The following IFRD1 variants were observed in gnomAD, a reference collection of about 807,000 sequenced individuals.
The protein encoded by IFRD1 is interferon-related developmental regulator 1.
In IFRD1, 35 loss-of-function variants were observed where a neutral mutation model predicts 52.9. That is an observed-to-expected ratio of 0.66 (90% CI 0.51 to 0.88). The LOEUF is 0.88. Ranked by LOEUF, IFRD1 falls within the 40% of genes least tolerant of loss-of-function variation. The pLI is 0.00. For synonymous variants in IFRD1, 184 were observed against 188.4 expected, an observed-to-expected ratio of 0.98 and a Z score of 0.19; for missense variants, 517 against 550.8, an observed-to-expected ratio of 0.94 and a Z score of 0.61.
chr7:112,475,244 C>T (rs1372379019), intron 11 of IFRD1, among the ~76,000 whole-genome samples, 186 bp from the exon 12 acceptor site: 1 of 152,186 alleles, frequency 6.6e-6, no homozygotes, highest in Non-Finnish European at 1.5e-5. Flanking sequence ...AGGTGTGAGC[C>T]ACCTTGCATG....
intron 11 of IFRD1, among the ~76,000 whole-genome samples, chr7:112,474,517 C>T (rs938526596): frequency 7.2e-5 from 11 of 152,036 alleles, no homozygotes; most frequent in Non-Finnish European, 1.0e-4. Context: ...GTTTCTTGTA[C>T]GGCATTTTAA....
At chr7:112,430,254 T>C (rs1022812314) in intron 1 of IFRD1, among the ~76,000 whole-genome samples, 3 of 152,250 alleles carry the variant, frequency 2.0e-5, no homozygotes, top group Admixed American at 6.5e-5. Context: ...TGCTGTTTTC[T>C]ATATCATAAT....
At chr7:112,447,908 T>C (rs537100848), upstream of IFRD1, among the ~76,000 whole-genome samples, 34 of 135,474 alleles carry the variant, frequency 2.5e-4, no homozygotes, top group African/African-American at 8.6e-4. Context: ...TTTGTAGTGA[T>C]AAGTAGTTTC....
At chr7:112,473,056 GTGTGTGTGTGTA>G (rs372362118) in intron 11 of IFRD1, among the ~76,000 whole-genome samples, 195 bp downstream of exon 11, 36,895 of 96,524 alleles carry the variant, frequency 0.38, 5,650 homozygotes, top group Non-Finnish European at 0.48. Flanking sequence ...GTGTGTGTGT[GTGTGTGTGTGTA>G]TATATGTGTC....
chr7:112,434,475 A>C (rs1794623342), intron 1 of IFRD1, among the ~76,000 whole-genome samples: 1 of 152,214 alleles, frequency 6.6e-6, no homozygotes, highest in African/African-American at 2.4e-5. Flanking sequence ...GTGCCACAAC[A>C]GCCAGGGTTA....
chr7:112,457,936 C>T (rs1366035805), intron 4 of IFRD1: 1 of 151,910 alleles, frequency 6.6e-6, no homozygotes, highest in Admixed American at 6.6e-5. Flanking sequence ...GTAAGTGAAA[C>T]CTTTGATCAA....
At chr7:112,444,826 T>A (rs1042180134) in intron 1 of IFRD1, among the ~76,000 whole-genome samples, 2 of 151,906 alleles carry the variant, frequency 1.3e-5, no homozygotes, top group Admixed American at 6.6e-5. Context: ...GGGAAAGAGT[T>A]GAAAAACTAC....
At position 112,438,145 on chromosome 7, in the gene IFRD1, T is replaced by C. The variant is rs181554455; in HGVS notation, c.-181-12363T>C. On this transcript the variant is annotated intron_variant, in intron 1 of 12. Coordinates refer to the IFRD1 transcript ENST00000005558. ...TAAATATCAAAGCTAGGGATTTTATTGAATGTCATCTTTGAAGAGCTTCAA... is the reference window on the plus strand; with the variant it reads ...TAAATATCAAAGCTAGGGATTTTATCGAATGTCATCTTTGAAGAGCTTCAA... Among the ~76,000 whole-genome samples, 3 of 152,342 alleles carry C rather than the reference T, an allele frequency of 2.0e-5. No individual in the cohort carries two copies. The East Asian group carries it at 5.8e-4, about 29-fold the overall frequency.
At position 112,476,661 on chromosome 7, in the gene IFRD1, A is replaced by G. The variant is rs920713672; in HGVS notation, c.*1142A>G. 1.3e-5 allele frequency: 2 copies of G among 152,212 alleles called. No homozygotes were observed. The allele number at this position is 152,212 out of a possible 1,614,324, so 9.4% of individuals were successfully genotyped here. A position where few individuals can be genotyped will look rare whatever the true frequency, so the allele number is the denominator to read the frequency against. ...AGACCTTGTCTCAAAAGCAAAACAA[A>G]AAAGAATATTGCTGCTTGTTTGCCC... is the stretch of plus-strand genomic sequence containing the variant. On this transcript the variant is annotated 3_prime_UTR_variant, in exon 12 of 12. Transcript: ENST00000403825.
At chr7:112,461,682 A>G (rs1795437380) in intron 5 of IFRD1, 184 bp from the exon 6 acceptor site, 1 of 378,694 alleles carries the variant, frequency 2.6e-6, no homozygotes, top group African/African-American at 2.1e-5. Context: ...CTTGAGCTGA[A>G]ACGCACTTCC....
rs770091139 is a variant in IFRD1 at position 112,458,999 on chromosome 7, G to A, written c.548G>A (p.Ser183Asn). The A allele has an allele frequency of 5.6e-6, 9 of 1,613,794 alleles. No individual in the cohort carries two copies. Among genetic ancestry groups the A allele is most frequent in the Non-Finnish European group, 6.8e-6 (8 of 1,179,756 alleles). Reference protein sequence around the residue: ...LKKIICDGSASMQARQTCATC... With the variant: ...LKKIICDGSANMQARQTCATC... ...AAAATCATTTGTGATGGGTCAGCTA[G>A]TATGCAGGCTAGGCAAACTGTAAGT... is the stretch of plus-strand genomic sequence containing the variant. The change falls in exon 5 of 12, where the codon AGT becomes AAT. Residue 183 changes from serine (S) to asparagine (N), a missense_variant. By Grantham distance (46) the Ser-to-Asn change is conservative. Transcript: ENST00000403825.
At chr7:112,440,055 G>A (rs1183888228) in intron 1 of IFRD1, among the ~76,000 whole-genome samples, 4 of 151,630 alleles carry the variant, frequency 2.6e-5, no homozygotes, top group African/African-American at 7.3e-5. Context: ...GTGCAATCTC[G>A]GCTCACTGCA....
chr7:112,445,382 A>C (rs1433316413), intron 1 of IFRD1, among the ~76,000 whole-genome samples: 1 of 152,100 alleles, frequency 6.6e-6, no homozygotes, highest in East Asian at 1.9e-4. Context: ...GGCTTTCATC[A>C]CAACAGACGC....
intron 1 of IFRD1, among the ~76,000 whole-genome samples, chr7:112,440,782 T>C (rs1794863696): frequency 2.0e-5 from 3 of 152,174 alleles, no homozygotes; most frequent in Admixed American, 1.3e-4. Flanking sequence ...CTGTAAACTA[T>C]CCTAGTTTGC....
intron 9 of IFRD1, among the ~76,000 whole-genome samples, chr7:112,470,151 G>C (rs1795710730): frequency 6.6e-6 from 1 of 152,078 alleles, no homozygotes. Flanking sequence ...TGTTTTAGGT[G>C]TTTTGCCATA....
At chr7:112,435,653 T>TGTGTGTGTGTGTGTGTGTGTGTGTGC (rs1358291906) in intron 1 of IFRD1, 4 of 149,294 alleles carry the variant, frequency 2.7e-5, no homozygotes, top group African/African-American at 2.5e-5. Flanking sequence ...TGTGTGTGTG[T>TGTGTGTGTGTGTGTGTGTGTGTGTGC]GTGCGTGCTT....
At position 112,468,006 on chromosome 7, in the gene IFRD1, C is replaced by A. The variant is rs761967828; in HGVS notation, c.932C>A (p.Ser311Tyr). ...GACTTTTTTTATGAAGACATGGAGT[C>A]CTTGACGCAGATGCTTAGGGCCTTG... ...ESDFFYEDME[S>Y]LTQMLRALAT... The change falls in exon 9 of 12, where the codon TCC (serine) becomes TAC (tyrosine). Residue 311 changes from serine to tyrosine, a missense_variant. Physicochemically the swap from Ser to Tyr is moderately radical, Grantham distance 144 (BLOSUM62 -2). Transcript: ENST00000403825. 1.6e-5 allele frequency: 26 copies of A among 1,613,836 alleles called. No homozygotes were observed. Among genetic ancestry groups the A allele is most frequent in the African/African-American group, 2.7e-5 (2 of 74,880 alleles).
chr7:112,440,012 G>A (rs553730383), intron 1 of IFRD1, among the ~76,000 whole-genome samples: 1 of 151,532 alleles, frequency 6.6e-6, no homozygotes, highest in African/African-American at 2.4e-5. Context: ...TTGAGATGCA[G>A]TCTTGCTCTG....
At position 112,456,073 on chromosome 7, in the gene IFRD1, A is replaced by G. The variant is rs1795284979; in HGVS notation, c.271A>G (p.Thr91Ala). The G allele has an allele frequency of 6.9e-6, 11 of 1,596,252 alleles. No homozygotes were observed. In the Admixed American group the frequency reaches 1.7e-4, roughly 24 times the overall value. Residue 91 changes from threonine (T) to alanine (A), a missense_variant, in exon 3 of 12, where the codon ACC (threonine) becomes GCC (alanine). Coordinates refer to ENST00000403825, the MANE Select transcript of IFRD1 (RefSeq NM_001550.4). Reference sequence around the variant, plus strand: ...CAAGTTGAAGGGATTAATTGACCTAACCCTGGATAAGAGGTAGGCAATACT... The same window carrying G: ...CAAGTTGAAGGGATTAATTGACCTAGCCCTGGATAAGAGGTAGGCAATACT... ...EYKLKGLIDLTLDKSAKTRQA... is the reference protein window; with the variant it reads ...EYKLKGLIDLALDKSAKTRQA...
Sources: allele counts gnomAD v4.1 joint callset (sites outside exome capture counted in the v4.1 genomes callset), GRCh38; gene constraint gnomAD v4.1.1; transcripts MANE v1.5; gene names NCBI Gene and HGNC (gene_info 2026-07-23, HGNC 2026-07-21).